The following DOCK8 variants were observed in gnomAD, a reference collection of about 807,000 sequenced individuals.
The protein encoded by DOCK8 is dedicator of cytokinesis protein 8.
DOCK8 carries 141 observed loss-of-function variants against 245.6 expected under a neutral mutation model. The ratio of observed to expected loss-of-function variants is 0.57; its 90% CI spans 0.50 to 0.66. The LOEUF is 0.66. DOCK8 is among the 30% of genes least tolerant of loss of function. The pLI is 0.00. For missense variants in DOCK8, 2,965 were observed against 2,603.4 expected (o/e 1.14, Z -3.02); for synonymous variants, 1,168 against 970.2 (o/e 1.20, Z -3.79).
intron 1 of DOCK8, chr9:268,101 T>G (rs982150383): frequency 6.6e-6 from 1 of 152,230 alleles, no homozygotes. Flanking sequence ...TCTGCTAGCT[T>G]AATATGTGTG....
intron 14 of DOCK8, among the ~76,000 whole-genome samples, chr9:350,309 A>T (rs1478630747): frequency 6.6e-6 from 1 of 152,082 alleles, no homozygotes; most frequent in East Asian, 1.9e-4. Flanking sequence ...ACAAGGTCTC[A>T]CTCTGTTGCC....
chr9:247,067 A>T (rs1439133275), intron 1 of DOCK8, among the ~76,000 whole-genome samples: 3 of 152,226 alleles, frequency 2.0e-5, no homozygotes, highest in African/African-American at 4.8e-5. Context: ...CGAGCTACAG[A>T]TAGGGAATAT....
chr9:361,510 A>G (rs143687012), intron 14 of DOCK8, among the ~76,000 whole-genome samples: 371 of 152,304 alleles, frequency 2.4e-3, no homozygotes, highest in Non-Finnish European at 4.6e-3. Flanking sequence ...CCGTTTTATT[A>G]CAGATGAGGA....
chr9:399,313 A>C, intron 26 of DOCK8, 54 bp downstream of exon 26: 1 of 1,197,332 alleles, frequency 8.4e-7, no homozygotes, highest in Non-Finnish European at 1.2e-6. Flanking sequence ...TCCTTCTCAT[A>C]TAATGTGATG....
intron 2 of DOCK8, among the ~76,000 whole-genome samples, chr9:282,886 G>A (rs1341025178): frequency 6.6e-6 from 1 of 152,012 alleles, no homozygotes; most frequent in Non-Finnish European, 1.5e-5. Flanking sequence ...TATTTCCATT[G>A]CCTCTCCTTG....
chr9:357,992 G>A (rs1352945821), intron 14 of DOCK8, among the ~76,000 whole-genome samples: 1 of 152,230 alleles, frequency 6.6e-6, no homozygotes, highest in Non-Finnish European at 1.5e-5. Context: ...ATAATGGCAT[G>A]AGGCCGTGGC....
At chr9:302,222 G>A (rs1007504857) in intron 4 of DOCK8, among the ~76,000 whole-genome samples, 1 of 152,116 alleles carries the variant, frequency 6.6e-6, no homozygotes, top group Admixed American at 6.5e-5. Flanking sequence ...GATCTTTGAC[G>A]AAGTTGACAA....
chr9:264,970 C>A (rs1445298599), intron 1 of DOCK8, among the ~76,000 whole-genome samples: 1 of 152,160 alleles, frequency 6.6e-6, no homozygotes, highest in Admixed American at 6.5e-5. Context: ...TCGCTCTTGT[C>A]CCCCAGGCTG....
At chr9:391,990 T>G (rs968914003) in intron 24 of DOCK8, among the ~76,000 whole-genome samples, 2 of 151,670 alleles carry the variant, frequency 1.3e-5, no homozygotes, top group East Asian at 3.9e-4. Context: ...ATACAAAAAT[T>G]AGCCGGGTGT....
chr9:385,861 A>G (rs2053929234), intron 22 of DOCK8, among the ~76,000 whole-genome samples: 1 of 152,192 alleles, frequency 6.6e-6, no homozygotes, highest in Non-Finnish European at 1.5e-5. Flanking sequence ...GGACAGGGTT[A>G]GCAATTTTCG....
In DOCK8 at chr9:463,596, T is replaced by A; in HGVS notation, c.6148T>A (p.Tyr2050Asn). Residue 2050 changes from tyrosine (Y) to asparagine (N), a missense_variant, in exon 47 of 48, where the codon TAT (tyrosine) becomes AAT (asparagine). Coordinates refer to ENST00000432829, the MANE Select transcript of DOCK8 (RefSeq NM_203447.4). ...REYQQELKKN[Y>N]NKLKENLRPM... The stretch of plus-strand genomic sequence containing the variant: ...ATATCAGCAGGAACTCAAAAAGAAC[T>A]ATAACAAGCTAAAAGAGAACCTCAG... The A allele has an allele frequency of 6.2e-7, 1 of 1,614,128 alleles. No homozygotes were observed. Among genetic ancestry groups the A allele is most frequent in the Non-Finnish European group, 8.5e-7 (1 of 1,180,042 alleles).
chr9:273,114 G>C, intron 2 of DOCK8: 1 of 985,044 alleles, frequency 1.0e-6, no homozygotes, highest in Non-Finnish European at 1.2e-6. Flanking sequence ...TGTTTTACTG[G>C]AGTGATTTCT....
chr9:339,175 C>T (rs2051456316), intron 13 of DOCK8, 76 bp downstream of exon 13: 2 of 1,231,272 alleles, frequency 1.6e-6, no homozygotes, highest in South Asian at 1.2e-5. Flanking sequence ...TGTCTAATGC[C>T]AGAATTTATA....
chr9:253,681 G>A lies in DOCK8; in HGVS notation c.54-17946G>A, dbSNP rs970899468. ...TACCTTGCCCTTGACCAAAAGCCTT[G>A]TCCCAGAAAGAGCCGTGTGGGTGTT... On this transcript the variant is annotated intron_variant, in intron 1 of 47. Coordinates refer to ENST00000432829, the MANE Select transcript of DOCK8 (RefSeq NM_203447.4). 4.6e-5 allele frequency among the ~76,000 whole-genome samples: 7 copies of A among 152,182 alleles called. No homozygotes were observed. The South Asian group carries it at 1.0e-3, about 22-fold the overall frequency.
In DOCK8 at chr9:216,673, A is replaced by T. The variant is rs189828067; in HGVS notation, c.53+1644A>T. On this transcript the variant is annotated intron_variant, in intron 1 of 47. Coordinates refer to ENST00000432829, the MANE Select transcript of DOCK8 (RefSeq NM_203447.4). ...TTCATTCAAGGAGTATAGGGAATCAAACTGAAGTTACTGATGGGTGTATTA... is the reference window on the plus strand; with the variant it reads ...TTCATTCAAGGAGTATAGGGAATCATACTGAAGTTACTGATGGGTGTATTA... Among the ~76,000 whole-genome samples the T allele has an allele frequency of 3.3e-3, 500 of 152,230 alleles. 5 individuals carry two copies. The highest frequency in any genetic ancestry group is 0.014 in the Admixed American group (215 of 15,294).
chr9:353,164 C>T (rs1452204465), intron 14 of DOCK8, among the ~76,000 whole-genome samples: 2 of 152,166 alleles, frequency 1.3e-5, no homozygotes, highest in African/African-American at 4.8e-5. Flanking sequence ...ACATGTAATG[C>T]AACTTTGTCC....
At chr9:390,638 T>C in intron 24 of DOCK8, 72 bp downstream of exon 24, 1 of 1,449,234 alleles carries the variant, frequency 6.9e-7, no homozygotes, top group Non-Finnish European at 9.7e-7. Context: ...GAATTGACAT[T>C]TTGTTCACTG....
chr9:331,064 G>A (rs1237831467), intron 9 of DOCK8, among the ~76,000 whole-genome samples: 1 of 152,144 alleles, frequency 6.6e-6, no homozygotes, highest in East Asian at 1.9e-4. Flanking sequence ...TTATTCTAAA[G>A]ACCACATTTT....
intron 1 of DOCK8, among the ~76,000 whole-genome samples, chr9:253,281 C>G (rs140237647): frequency 6.6e-6 from 1 of 152,172 alleles, no homozygotes; most frequent in Non-Finnish European, 1.5e-5. Context: ...ATCTTTCAAT[C>G]GAACTAAACA....
Sources: gnomAD v4.1 joint callset for allele counts (sites outside exome capture counted in the v4.1 genomes callset) on GRCh38, gnomAD v4.1.1 for gene constraint, MANE v1.5 for transcripts, NCBI Gene and HGNC (gene_info 2026-07-23, HGNC 2026-07-21) for gene names.